Variants in DCST2 observed in about 807,000 individuals in gnomAD.
DCST2 encodes DC-STAMP domain containing 2, also known as DC-STAMP domain-containing protein 2.
A neutral mutation model predicts 81.8 loss-of-function variants in DCST2; 64 were observed. That is an observed-to-expected ratio of 0.78 (90% CI 0.64 to 0.96). The LOEUF is 0.96. Among genes scored for constraint, DCST2 ranks in the 40% least tolerant of loss-of-function variants. The pLI is 0.00. For synonymous variants in DCST2, 354 were observed against 402.6 expected (o/e 0.88, Z 1.44); for missense variants, 945 against 1,001.4 (o/e 0.94, Z 0.76).
chr1:155,024,448 C>T (rs1447565194), intron 11 of DCST2, 24 bp downstream of exon 11: 3 of 1,580,944 alleles, frequency 1.9e-6, no homozygotes, highest in Non-Finnish European at 2.6e-6. Flanking sequence ...TGCCCCACCC[C>T]TATAGAAAAG....
At chr1:155,029,134 T>G in intron 8 of DCST2, 99 bp downstream of exon 8, 1 of 1,405,774 alleles carries the variant, frequency 7.1e-7, no homozygotes, top group Non-Finnish European at 9.8e-7. Context: ...GGACTGAGGA[T>G]GGGAAGAGGA....
chr1:155,028,105 T>C (rs1202699631), intron 8 of DCST2, among the ~76,000 whole-genome samples: 1 of 151,826 alleles, frequency 6.6e-6, no homozygotes, highest in Non-Finnish European at 1.5e-5. Context: ...TTTGTATTTT[T>C]AGTTGAGATG....
intron 4 of DCST2, 52 bp from the exon 5 acceptor site, chr1:155,031,286 C>T (rs1660068309): frequency 1.3e-6 from 2 of 1,516,442 alleles, no homozygotes; most frequent in South Asian, 1.3e-5. Flanking sequence ...GCCAGGCCTG[C>T]CCCCGACCTC....
intron 5 of DCST2, 103 bp downstream of exon 5, chr1:155,031,065 TC>T: frequency 8.1e-7 from 1 of 1,241,282 alleles, no homozygotes; most frequent in Non-Finnish European, 1.1e-6. Flanking sequence ...TCTCTTACAT[TC>T]TCCTTTATGG....
chr1:155,029,335 G>A lies in DCST2; in HGVS notation c.1240C>T (p.Arg414Ter), dbSNP rs757832765. The A allele has an allele frequency of 2.8e-5, 45 of 1,613,910 alleles. No individual in the cohort carries two copies. In the Admixed American group the frequency reaches 3.7e-4, roughly 13 times the overall value. The change falls in exon 8 of 15, where the codon CGA becomes TGA. Residue 414 changes from arginine to a stop codon, truncating the protein, a stop_gained. Coordinates refer to ENST00000368424, the MANE Select transcript of DCST2 (RefSeq NM_144622.3). LOFTEE classifies it high-confidence loss of function. ...FYILETFNLI[R>*]HLLLVLFLVF... ...AGGAACAGCACGAGGAGGAGGTGTCGGATAAGGTTGAAGGTCTCCAGAATG... is the reference window on the plus strand; with the variant it reads ...AGGAACAGCACGAGGAGGAGGTGTCAGATAAGGTTGAAGGTCTCCAGAATG...
intron 14 of DCST2, among the ~76,000 whole-genome samples, chr1:155,021,342 G>A (rs1371146801): frequency 6.6e-6 from 1 of 151,846 alleles, no homozygotes; most frequent in East Asian, 1.9e-4. Flanking sequence ...TTGCCATGTT[G>A]CCCAGGCTGG....
At position 155,030,556 on chromosome 1, in the gene DCST2, G is replaced by C; in HGVS notation, c.895C>G (p.Arg299Gly). The change falls in exon 6 of 15, where the codon CGG (arginine) becomes GGG (glycine). Residue 299 changes from arginine (R) to glycine (G), a missense_variant. Physicochemically the swap from Arg to Gly is moderately radical, Grantham distance 125 (BLOSUM62 -2). Coordinates refer to ENST00000368424, the MANE Select transcript of DCST2 (RefSeq NM_144622.3). ...TCCATGGCTACCTGGGACAGGCTCC[G>C]AGAGGCATTGAGATCCACAGAGAAG... is the stretch of plus-strand genomic sequence containing the variant. The part of the protein sequence containing the change: ...HHFSVDLNAS[R>G]SLSQVAMDLH... 6.2e-7 allele frequency: 1 copy of C among 1,614,128 alleles called. No individual in the cohort carries two copies. The highest frequency in any genetic ancestry group is 8.5e-7 in the Non-Finnish European group (1 of 1,180,028).
intron 5 of DCST2, 65 bp from the exon 6 acceptor site, chr1:155,030,710 G>T: frequency 6.4e-7 from 1 of 1,562,292 alleles, no homozygotes; most frequent in Admixed American, 1.7e-5. Flanking sequence ...AGCTGCCCCT[G>T]GGGAGGGGCC....
chr1:155,023,298 G>A, intron 13 of DCST2, 41 bp from the exon 14 acceptor site: 3 of 1,613,594 alleles, frequency 1.9e-6, no homozygotes, highest in Non-Finnish European at 2.5e-6. Flanking sequence ...AGACATCCTG[G>A]GAGAAGGGTG....
intron 10 of DCST2, among the ~76,000 whole-genome samples, chr1:155,025,075 A>G (rs1005044306): frequency 1.4e-5 from 2 of 144,746 alleles, no homozygotes; most frequent in African/African-American, 2.6e-5. Context: ...TGAACCCGGG[A>G]GGCGGAGGTT....
In DCST2 at chr1:155,030,629, G is replaced by A; in HGVS notation, c.822C>T (p.Leu274=). The A allele has an allele frequency of 6.2e-7, 1 of 1,614,076 alleles. No homozygotes were observed. The highest frequency in any genetic ancestry group is 8.5e-7 in the Non-Finnish European group (1 of 1,180,022). ...ACTCAAACTCCTGACGCACCCGGTT[G>A]AGCAACTGAATCACGGCTGGGGCCA... is the stretch of plus-strand genomic sequence containing the variant. ...QTIGTPVIQL[L]NRVRQEFEFN... Residue 274 remains leucine, a synonymous_variant, in exon 6 of 15, where the codon CTC becomes CTT. Transcript: ENST00000368424.
At chr1:155,033,346 T>C (rs1660160025) in intron 1 of DCST2, 82 bp from the exon 2 acceptor site, 3 of 1,583,552 alleles carry the variant, frequency 1.9e-6, no homozygotes, top group South Asian at 2.3e-5. Context: ...TCAGAATATT[T>C]CCCTTAACCC....
chr1:155,030,035 A>G, intron 7 of DCST2, 49 bp downstream of exon 7: 1 of 1,605,584 alleles, frequency 6.2e-7, no homozygotes, highest in Non-Finnish European at 8.5e-7. Flanking sequence ...GGGTGGGGGG[A>G]AGCCCTGGCC....
chr1:155,028,170 C>T (rs1016970111), intron 8 of DCST2, among the ~76,000 whole-genome samples: 51 of 151,804 alleles, frequency 3.4e-4, no homozygotes, highest in African/African-American at 1.2e-3. Context: ...AGGTGATCTA[C>T]CCGCCTCATC....
At chr1:155,026,481 G>A in intron 9 of DCST2, 67 bp downstream of exon 9, 6 of 1,612,660 alleles carry the variant, frequency 3.7e-6, no homozygotes, top group South Asian at 1.1e-5. Context: ...CACATCCTCA[G>A]CAGTCTGCAC....
At chr1:155,025,976 G>A (rs148792351) in intron 10 of DCST2, among the ~76,000 whole-genome samples, 13 of 151,494 alleles carry the variant, frequency 8.6e-5, no homozygotes, top group Non-Finnish European at 1.6e-4. Flanking sequence ...CCAAAGTGCT[G>A]GATTACAGGT....
In DCST2 at chr1:155,029,269, C is replaced by T. The variant is rs1458225351; in HGVS notation, c.1306G>A (p.Ala436Thr). The change falls in exon 8 of 15, where the codon GCC becomes ACC. Residue 436 changes from alanine to threonine, a missense_variant. Physicochemically the swap from Ala to Thr is moderately conservative, Grantham distance 58. Transcript: ENST00000368424. ...ATCTCCCCCTGCAGCTGGTGCCGGG[C>T]CAGGTCAAGCACCCAGAAGACAGCA... The part of the protein sequence containing the change: ...DYAVFWVLDL[A>T]RHQLQGEIVA... 2 of 1,613,774 alleles carry T rather than the reference C, an allele frequency of 1.2e-6. No homozygotes were observed. Among genetic ancestry groups the T allele is most frequent in the African/African-American group, 1.3e-5 (1 of 74,846 alleles).
Position 155,026,712 on chromosome 1 carries a change from G to T in DCST2, c.1346C>A (p.Pro449His). The change falls in exon 9 of 15, where the codon CCT becomes CAT. Residue 449 changes from proline to histidine, a missense_variant. Physicochemically the swap from Pro to His is moderately conservative, Grantham distance 77. Transcript: ENST00000368424. The stretch of plus-strand genomic sequence containing the variant: ...TTCCACGGTTAGAGACACCAACACA[G>T]GACCTGGCACAAAGACACTGTGTGA... The part of the protein sequence containing the change: ...QLQGEIVARS[P>H]VLVSLTVEGT... The T allele has an allele frequency of 6.2e-7, 1 of 1,614,116 alleles. No homozygotes were observed. Among genetic ancestry groups the T allele is most frequent in the Non-Finnish European group, 8.5e-7 (1 of 1,180,016 alleles).
At chr1:155,022,404 TAACAAAC>T (rs1425766965) in intron 14 of DCST2, among the ~76,000 whole-genome samples, 5 of 151,922 alleles carry the variant, frequency 3.3e-5, no homozygotes, top group Non-Finnish European at 7.4e-5. Context: ...CTTCTCAGCC[TAACAAAC>T]CACCAAGTTG....
Sources: gnomAD v4.1 joint callset for allele counts (sites outside exome capture counted in the v4.1 genomes callset) on GRCh38, gnomAD v4.1.1 for gene constraint, MANE v1.5 for transcripts, NCBI Gene and HGNC (gene_info 2026-07-23, HGNC 2026-07-21) for gene names.